ZNG1A: variants seen among roughly 807,000 people sequenced by gnomAD.
The protein encoded by ZNG1A is zinc-regulated GTPase metalloprotein activator 1A.
At chr9:149,253 A>C in the ZNG1A span, 3 of 150,788 alleles carry the variant, frequency 2.0e-5, no homozygotes, top group Non-Finnish European at 3.0e-5. Flanking sequence ...TGCTCCCTAC[A>C]GAAGAAAATC....
the ZNG1A span, among the ~76,000 whole-genome samples, chr9:159,086 GA>G: frequency 3.3e-5 from 5 of 150,368 alleles, no homozygotes; most frequent in African/African-American, 1.2e-4. Context: ...AGTAAATGAA[GA>G]AAAAATTTTT....
the ZNG1A span, among the ~76,000 whole-genome samples, chr9:178,106 A>C: frequency 6.6e-6 from 1 of 151,140 alleles, no homozygotes. Context: ...GTTTAAAAAT[A>C]TATTTCTCAA....
chr9:171,590 C>T, the ZNG1A span: 1 of 165,680 alleles, frequency 6.0e-6, no homozygotes, highest in Non-Finnish European at 1.3e-5. Flanking sequence ...TTACACAGCA[C>T]TTACATTGTA....
At chr9:125,107 C>G in the ZNG1A span, among the ~76,000 whole-genome samples, 1 of 152,186 alleles carries the variant, frequency 6.6e-6, no homozygotes, top group Non-Finnish European at 1.5e-5. Context: ...GGTAGTTCTA[C>G]TTTTAGTTCT....
the ZNG1A span, among the ~76,000 whole-genome samples, chr9:161,296 C>T: frequency 1.6e-4 from 24 of 151,730 alleles, no homozygotes; most frequent in African/African-American, 5.1e-4. Context: ...TGGTAAAATC[C>T]TGTCTCTACT....
the ZNG1A span, chr9:156,578 A>C: frequency 6.3e-7 from 1 of 1,574,952 alleles, no homozygotes; most frequent in Non-Finnish European, 8.6e-7. Flanking sequence ...TAAAAAATCT[A>C]ATGTCAACAC....
the ZNG1A span, among the ~76,000 whole-genome samples, chr9:141,678 T>G: frequency 0.046 from 7,000 of 151,322 alleles, 84 homozygotes; most frequent in African/African-American, 0.09. Context: ...CAGGATCAAA[T>G]TCACACATAA....
At chr9:179,014 A>T in the ZNG1A span, 2 of 951,134 alleles carry the variant, frequency 2.1e-6, 1 homozygote, top group Non-Finnish European at 3.1e-6. Flanking sequence ...CGCTGGGACC[A>T]ACACGCCGTA....
the ZNG1A span, among the ~76,000 whole-genome samples, chr9:161,173 C>T: frequency 6.6e-6 from 1 of 152,124 alleles, no homozygotes; most frequent in East Asian, 1.9e-4. Context: ...CAAACTTAAA[C>T]ATTAACAAGT....
At chr9:146,108 C>G in the ZNG1A span, 29 of 1,560,160 alleles carry the variant, frequency 1.9e-5, no homozygotes, top group East Asian at 5.9e-4. Flanking sequence ...ATACCTTATT[C>G]CAGAGAGACT....
chr9:154,746 G>T, the ZNG1A span: 5 of 1,598,176 alleles, frequency 3.1e-6, no homozygotes, highest in East Asian at 1.1e-4. Context: ...TCTTCTTCTG[G>T]AACCAGGTCT....
chr9:166,735 A>C, the ZNG1A span: 2 of 152,330 alleles, frequency 1.3e-5, no homozygotes, highest in African/African-American at 4.8e-5. Flanking sequence ...ACAATGACTT[A>C]ACCAATTAAT....
the ZNG1A span, chr9:161,562 C>T: frequency 7.8e-7 from 1 of 1,286,108 alleles, no homozygotes; most frequent in East Asian, 5.6e-5. Context: ...CTTCCAAGAA[C>T]TTACTGCTTT....
chr9:162,501 T>G, the ZNG1A span: 1 of 1,569,892 alleles, frequency 6.4e-7, no homozygotes, highest in Non-Finnish European at 8.7e-7. Flanking sequence ...AATCACTTTT[T>G]AAAAAGAATG....
the ZNG1A span, chr9:172,153 T>C: frequency 8.1e-6 from 13 of 1,611,138 alleles, no homozygotes; most frequent in Non-Finnish European, 1.1e-5. Context: ...AAATTCTCAA[T>C]AGCTCTAAGG....
At chr9:125,255 G>C in the ZNG1A span, among the ~76,000 whole-genome samples, 11 of 150,768 alleles carry the variant, frequency 7.3e-5, no homozygotes, top group Non-Finnish European at 1.2e-4. Flanking sequence ...CATTCTTGCA[G>C]AAGTAAGGTG....
At chr9:146,058 A>G in the ZNG1A span, 1 of 1,389,244 alleles carries the variant, frequency 7.2e-7, no homozygotes, top group Non-Finnish European at 9.7e-7. Flanking sequence ...TATGGGGAAA[A>G]AAGGTACATA....
chr9:144,390 C>T, the ZNG1A span, among the ~76,000 whole-genome samples: 7,891 of 149,262 alleles, frequency 0.053, 262 homozygotes, highest in African/African-American at 0.099. Context: ...GAAATAACGC[C>T]GCATATCTAC....
the ZNG1A span, chr9:153,276 A>G: frequency 6.6e-6 from 1 of 151,300 alleles, no homozygotes; most frequent in African/African-American, 2.4e-5. Context: ...CCAGTGTCAA[A>G]AAATGTAAAA....
Sources: allele counts gnomAD v4.1 joint callset (sites outside exome capture counted in the v4.1 genomes callset), GRCh38; gene constraint gnomAD v4.1.1; transcripts MANE v1.5; gene names NCBI Gene and HGNC (gene_info 2026-07-23, HGNC 2026-07-21).